The following MECOM variants were observed in gnomAD, a reference collection of about 807,000 sequenced individuals.
MECOM encodes MDS1 and EVI1 complex locus, also known as histone-lysine N-methyltransferase MECOM.
Under a neutral mutation model 116.3 loss-of-function variants are expected in MECOM, and 13 were observed. The ratio of observed to expected loss-of-function variants is 0.11; its 90% CI spans 0.07 to 0.18. The LOEUF (loss-of-function observed/expected upper bound fraction) is 0.18, where lower values mean the gene tolerates loss of function less well. Among genes scored for constraint, MECOM ranks in the 10% least tolerant of loss-of-function variants. The pLI, the probability that MECOM is intolerant of heterozygous loss-of-function variation, is 1.00. For synonymous variants in MECOM, 528 were observed against 535.2 expected (o/e 0.99, Z 0.19); for missense variants, 1,299 against 1,509.0 (o/e 0.86, Z 2.31).
At chr3:169,434,156 A>C (rs1742240396) in intron 1 of MECOM, among the ~76,000 whole-genome samples, 1 of 152,230 alleles carries the variant, frequency 6.6e-6, no homozygotes, top group African/African-American at 2.4e-5. Flanking sequence ...AATTGTATAA[A>C]TAGATTCTGA....
chr3:169,086,272 T>C (rs894630832), intron 16 of MECOM, among the ~76,000 whole-genome samples: 1 of 152,164 alleles, frequency 6.6e-6, no homozygotes, highest in South Asian at 2.1e-4. Context: ...CTGTGATAGA[T>C]CCTAAGAAAT....
At chr3:169,316,669 A>T (rs1719797474) in intron 2 of MECOM, among the ~76,000 whole-genome samples, 1 of 152,104 alleles carries the variant, frequency 6.6e-6, no homozygotes, top group Non-Finnish European at 1.5e-5. Context: ...CTCCCACCTC[A>T]GCCTCCCAAG....
chr3:169,364,823 T>C (rs1728887686), intron 2 of MECOM, among the ~76,000 whole-genome samples: 1 of 152,048 alleles, frequency 6.6e-6, no homozygotes, highest in African/African-American at 2.4e-5. Context: ...CAAATCAATT[T>C]AATTTTTACA....
intron 9 of MECOM, among the ~76,000 whole-genome samples, chr3:169,111,503 A>G (rs1233930414): frequency 6.6e-6 from 1 of 152,192 alleles, no homozygotes; most frequent in African/African-American, 2.4e-5. Context: ...TACAAGTACT[A>G]TTTAGATCAG....
At chr3:169,598,792 A>C (rs1388851307) in intron 1 of MECOM, among the ~76,000 whole-genome samples, 1 of 152,212 alleles carries the variant, frequency 6.6e-6, no homozygotes, top group East Asian at 1.9e-4. Context: ...AGCAAAGAGA[A>C]GGGTCTTAAG....
intron 2 of MECOM, among the ~76,000 whole-genome samples, chr3:169,156,879 A>G (rs994596998): frequency 2.6e-5 from 4 of 152,156 alleles, no homozygotes; most frequent in African/African-American, 9.6e-5. Flanking sequence ...AACCTTTAAG[A>G]ATTCACCTTT....
chr3:169,475,789 C>T (rs575955823), intron 1 of MECOM, among the ~76,000 whole-genome samples: 6 of 151,844 alleles, frequency 4.0e-5, no homozygotes, highest in Non-Finnish European at 8.8e-5. Context: ...TTTTTAACCA[C>T]CAATAACAAA....
At chr3:169,498,643 T>G (rs528213660) in intron 1 of MECOM, among the ~76,000 whole-genome samples, 48 of 152,312 alleles carry the variant, frequency 3.2e-4, no homozygotes, top group Non-Finnish European at 5.9e-4. Flanking sequence ...AGGCAACTGC[T>G]GAATTACCAT....
At chr3:169,567,730 A>G (rs1372628726) in intron 1 of MECOM, among the ~76,000 whole-genome samples, 1 of 152,164 alleles carries the variant, frequency 6.6e-6, no homozygotes, top group Non-Finnish European at 1.5e-5. Flanking sequence ...AGATGTCACC[A>G]GTTGGTCTTG....
chr3:169,086,987 T>G (rs1379284698), intron 16 of MECOM, among the ~76,000 whole-genome samples: 1 of 152,166 alleles, frequency 6.6e-6, no homozygotes, highest in Non-Finnish European at 1.5e-5. Flanking sequence ...ATGAATGATA[T>G]TATGAAATAA....
intron 2 of MECOM, among the ~76,000 whole-genome samples, chr3:169,327,399 G>T (rs1390011740): frequency 6.6e-6 from 1 of 152,226 alleles, no homozygotes; most frequent in African/African-American, 2.4e-5. Flanking sequence ...CAACACTTTG[G>T]GAGGCCAAGG....
chr3:169,093,001 T>A lies in MECOM; in HGVS notation c.3121A>T (p.Asn1041Tyr). Residue 1041 changes from asparagine (N) to tyrosine (Y), a missense_variant, in exon 14 of 17, where the codon AAC becomes TAC. Asn to Tyr is a moderately radical substitution (Grantham distance 143, BLOSUM62 -2). Transcript: ENST00000651503. ...YFTEIRNFIG[N>Y]SNHGSQSPRN... The stretch of plus-strand genomic sequence containing the variant: ...GGAGATTGGCTGCCATGGTTGCTGT[T>A]CCCAATGAAATTTCGAATTTCTGTG... 2 of 1,613,818 alleles carry A rather than the reference T, an allele frequency of 1.2e-6. No individual in the cohort carries two copies. Among genetic ancestry groups the A allele is most frequent in the Non-Finnish European group, 1.7e-6 (2 of 1,179,782 alleles).
intron 1 of MECOM, among the ~76,000 whole-genome samples, chr3:169,427,394 A>G (rs946653993): frequency 1.3e-5 from 2 of 152,150 alleles, no homozygotes; most frequent in African/African-American, 4.8e-5. Context: ...GGTTTTGAGT[A>G]TACTATAGGC....
intron 1 of MECOM, among the ~76,000 whole-genome samples, chr3:169,479,169 G>T (rs190874465): frequency 3.9e-5 from 6 of 152,194 alleles, no homozygotes; most frequent in Admixed American, 6.5e-5. Flanking sequence ...TGCTGGAAAA[G>T]CTTTTGACCA....
intron 1 of MECOM, among the ~76,000 whole-genome samples, chr3:169,391,147 G>A (rs549178834): frequency 3.9e-4 from 59 of 152,254 alleles, no homozygotes; most frequent in African/African-American, 1.2e-3. Context: ...TGGTAAAACG[G>A]AATATGAGCG....
chr3:169,559,511 G>T (rs1485715668), intron 1 of MECOM, among the ~76,000 whole-genome samples: 2 of 152,148 alleles, frequency 1.3e-5, no homozygotes, highest in East Asian at 3.8e-4. Flanking sequence ...ACCTCCTGGG[G>T]TGTACACTTT....
At chr3:169,112,593 AT>A (rs1300728276) in intron 9 of MECOM, among the ~76,000 whole-genome samples, 193 bp downstream of exon 9, 1 of 152,160 alleles carries the variant, frequency 6.6e-6, no homozygotes, top group African/African-American at 2.4e-5. Context: ...AAATCATGTT[AT>A]TTTTACACAT....
At chr3:169,343,260 T>A (rs1724849847) in intron 2 of MECOM, among the ~76,000 whole-genome samples, 1 of 152,164 alleles carries the variant, frequency 6.6e-6, no homozygotes, top group Non-Finnish European at 1.5e-5. Flanking sequence ...CACTAACTCG[T>A]TGGGACTTCA....
chr3:169,265,107 AT>A (rs1051304893), intron 2 of MECOM, among the ~76,000 whole-genome samples: 4 of 152,104 alleles, frequency 2.6e-5, no homozygotes, highest in South Asian at 4.2e-4. Flanking sequence ...TTGAAGGAAG[AT>A]TTTTTTTAAC....
Sources: allele counts gnomAD v4.1 joint callset (sites outside exome capture counted in the v4.1 genomes callset), GRCh38; gene constraint gnomAD v4.1.1; transcripts MANE v1.5; gene names NCBI Gene and HGNC (gene_info 2026-07-23, HGNC 2026-07-21).